Variants in NEK7 observed in about 807,000 individuals in gnomAD.
NEK7 encodes the protein NIMA related kinase 7.
A neutral mutation model predicts 44.6 loss-of-function variants in NEK7; 18 were observed. The ratio of observed to expected loss-of-function variants is 0.40; its 90% CI spans 0.28 to 0.60. The LOEUF is 0.60. Ranked by LOEUF, NEK7 falls within the 20% of genes least tolerant of loss-of-function variation. The probability of loss-of-function intolerance (pLI) is 0.38; values close to 1 mark genes in which losing one functional copy is unlikely to be tolerated. For synonymous variants in NEK7, 130 were observed against 121.1 expected (o/e 1.07, Z -0.48); for missense variants, 256 against 366.5 (o/e 0.70, Z 2.46).
intron 1 of NEK7, among the ~76,000 whole-genome samples, chr1:198,230,558 T>C (rs891622594): frequency 6.6e-6 from 1 of 152,070 alleles, no homozygotes; most frequent in Non-Finnish European, 1.5e-5. Context: ...AAAAAATGTA[T>C]AGCTAACATA....
At chr1:198,202,067 G>A (rs979854821) in intron 1 of NEK7, among the ~76,000 whole-genome samples, 3 of 152,144 alleles carry the variant, frequency 2.0e-5, no homozygotes, top group Non-Finnish European at 2.9e-5. Context: ...CTAGTCTGCT[G>A]ACTCTTTTTG....
chr1:198,320,696 T>C lies in NEK7; in HGVS notation c.*1174T>C, dbSNP rs1168278471. 6.6e-6 allele frequency: 1 copy of C among 152,216 alleles called. No individual in the cohort carries two copies. The highest frequency in any genetic ancestry group is 1.5e-5 in the Non-Finnish European group (1 of 68,020). 9.4% of individuals were successfully genotyped at this position (152,216 alleles called of 1,614,324 possible). On this transcript the variant is annotated 3_prime_UTR_variant, in exon 10 of 10. Transcript: ENST00000367385. ...GAGGAAGAAAGGATGTGTGTTATAC[T>C]GTACCTGTGAATGTTGATACAGTTA... is the stretch of plus-strand genomic sequence containing the variant.
At chr1:198,258,757 T>A (rs1653358091) in intron 3 of NEK7, among the ~76,000 whole-genome samples, 1 of 152,184 alleles carries the variant, frequency 6.6e-6, no homozygotes, top group South Asian at 2.1e-4. Context: ...AAGTATAAAA[T>A]GAGTTTAAAA....
At chr1:198,290,016 A>G (rs990080835) in intron 7 of NEK7, among the ~76,000 whole-genome samples, 3 of 152,168 alleles carry the variant, frequency 2.0e-5, no homozygotes, top group Admixed American at 6.5e-5. Context: ...TAAGATTTTT[A>G]GTTGTTACCA....
chr1:198,266,854 G>C (rs556996759), intron 5 of NEK7, among the ~76,000 whole-genome samples: 2 of 152,070 alleles, frequency 1.3e-5, no homozygotes, highest in African/African-American at 2.4e-5. Flanking sequence ...TTAAACCTCT[G>C]ATCACTACTC....
intron 1 of NEK7, among the ~76,000 whole-genome samples, chr1:198,232,296 A>G (rs551838392): frequency 6.6e-6 from 1 of 152,302 alleles, no homozygotes; most frequent in East Asian, 1.9e-4. Context: ...ATGCAGAAGA[A>G]GGAATTTCAT....
At chr1:198,263,794 G>C (rs1163418732) in intron 4 of NEK7, among the ~76,000 whole-genome samples, 1 of 151,878 alleles carries the variant, frequency 6.6e-6, no homozygotes, top group East Asian at 1.9e-4. Context: ...TTTTGAGGAT[G>C]TAATTTTTAG....
At chr1:198,171,094 A>T (rs1664425296) in intron 1 of NEK7, among the ~76,000 whole-genome samples, 2 of 152,088 alleles carry the variant, frequency 1.3e-5, no homozygotes, top group Non-Finnish European at 2.9e-5. Flanking sequence ...AGTTTGGTTT[A>T]TGAGATATAT....
chr1:198,227,854 C>A (rs1242262396), intron 1 of NEK7, among the ~76,000 whole-genome samples: 1 of 152,110 alleles, frequency 6.6e-6, no homozygotes, highest in Non-Finnish European at 1.5e-5. Flanking sequence ...TTTTGCTGTG[C>A]AGAAGCTCTT....
At chr1:198,245,893 G>T (rs914287308) in intron 2 of NEK7, among the ~76,000 whole-genome samples, 2 of 152,064 alleles carry the variant, frequency 1.3e-5, no homozygotes, top group African/African-American at 2.4e-5. Context: ...ATTTTATTTG[G>T]TTTATATTTC....
chr1:198,251,601 TG>T (rs1208856338), intron 2 of NEK7, among the ~76,000 whole-genome samples: 16 of 152,126 alleles, frequency 1.1e-4, no homozygotes, highest in South Asian at 4.1e-4. Flanking sequence ...GGTTTAGTCT[TG>T]GGAGGGTGTA....
At chr1:198,190,445 A>G (rs1056655378) in intron 1 of NEK7, among the ~76,000 whole-genome samples, 1 of 152,072 alleles carries the variant, frequency 6.6e-6, no homozygotes, top group African/African-American at 2.4e-5. Flanking sequence ...CTTTAATAAA[A>G]TGCATATTTA....
chr1:198,189,264 T>C (rs1283391240), intron 1 of NEK7, among the ~76,000 whole-genome samples: 7 of 152,212 alleles, frequency 4.6e-5, no homozygotes, highest in Admixed American at 3.9e-4. Flanking sequence ...GTTATTTTTG[T>C]TTAATTTTCA....
chr1:198,163,422 G>A (rs1368697673), intron 1 of NEK7, among the ~76,000 whole-genome samples: 1 of 152,014 alleles, frequency 6.6e-6, no homozygotes, highest in African/African-American at 2.4e-5. Flanking sequence ...CTTGGGCCTG[G>A]AGGATGGCTT....
chr1:198,277,756 C>T (rs1190736807), intron 5 of NEK7: 5 of 485,220 alleles, frequency 1.0e-5, no homozygotes, highest in Non-Finnish European at 1.8e-5. Context: ...ACAGTTTCCG[C>T]TAACCTTAGT....
chr1:198,256,289 T>C, intron 3 of NEK7: 1 of 1,530,798 alleles, frequency 6.5e-7, no homozygotes. Context: ...TCAGGGCTAT[T>C]AACAAAGGAT....
At chr1:198,187,593 A>C (rs952018664) in intron 1 of NEK7, among the ~76,000 whole-genome samples, 3 of 152,146 alleles carry the variant, frequency 2.0e-5, no homozygotes, top group African/African-American at 7.2e-5. Flanking sequence ...ATGGCATACC[A>C]GGTGTCATTA....
rs1477871464 is a variant in NEK7, at chr1:198,241,246, A to G, written c.57+8609A>G. Reference sequence around the variant, plus strand: ...ACTATGTGAATATTACGATCTTGTCATATGATTCTTATGTTTCACATAGCT... The same window carrying G: ...ACTATGTGAATATTACGATCTTGTCGTATGATTCTTATGTTTCACATAGCT... On this transcript the variant is annotated intron_variant, in intron 2 of 9. Transcript: ENST00000367385. Among the ~76,000 whole-genome samples the G allele has an allele frequency of 5.3e-5, 8 of 152,358 alleles. No individual in the cohort carries two copies. The East Asian group carries it at 1.5e-3, about 29-fold the overall frequency.
chr1:198,280,656 T>A (rs1368497324), intron 7 of NEK7, among the ~76,000 whole-genome samples: 1 of 151,278 alleles, frequency 6.6e-6, no homozygotes, highest in Non-Finnish European at 1.5e-5. Flanking sequence ...ATTTAATAAT[T>A]CATTATGAAT....
Sources: gnomAD v4.1 joint callset for allele counts (sites outside exome capture counted in the v4.1 genomes callset) on GRCh38, gnomAD v4.1.1 for gene constraint, MANE v1.5 for transcripts, NCBI Gene and HGNC (gene_info 2026-07-23, HGNC 2026-07-21) for gene names.